PCDHA10: variants seen among roughly 807,000 people sequenced by gnomAD.
PCDHA10 encodes the protein protocadherin alpha-10.
A neutral mutation model predicts 61.2 loss-of-function variants in PCDHA10; 45 were observed. That is an observed-to-expected ratio of 0.74 (90% CI 0.58 to 0.94). The LOEUF (loss-of-function observed/expected upper bound fraction) is 0.94, where lower values mean the gene tolerates loss of function less well. Among genes scored for constraint, PCDHA10 ranks in the 40% least tolerant of loss-of-function variants. The pLI is 0.00. For synonymous variants in PCDHA10, 602 were observed against 548.8 expected (o/e 1.10, Z -1.35); for missense variants, 1,278 against 1,236.2 (o/e 1.03, Z -0.51).
At chr5:140,999,666 G>A (rs185222092) in intron 3 of PCDHA10, among the ~76,000 whole-genome samples, 194 of 152,216 alleles carry the variant, frequency 1.3e-3, no homozygotes, top group African/African-American at 4.4e-3. Flanking sequence ...GCTGGGTTGC[G>A]GGGGGCTCAC....
intron 1 of PCDHA10, chr5:140,877,539 C>G (rs1562735979): frequency 2.5e-6 from 4 of 1,613,788 alleles, no homozygotes; most frequent in South Asian, 1.1e-5. Flanking sequence ...CTGTGGATCC[C>G]GAAGCGGCTC....
chr5:140,856,396 C>G lies in PCDHA10; in HGVS notation c.348C>G (p.Phe116Leu). The G allele has an allele frequency of 6.3e-7, 1 of 1,598,526 alleles. No individual in the cohort carries two copies. ...TCGTGGACAGGCCGCTGCAGGTTTT[C>G]CATGTGGACGTGGAAGTGAAGGACA... Reference protein sequence around the residue: ...EVIVDRPLQVFHVDVEVKDIN... With the variant: ...EVIVDRPLQVLHVDVEVKDIN... Residue 116 changes from phenylalanine to leucine, a missense_variant, in exon 1 of 4, where the codon TTC (phenylalanine) becomes TTG (leucine). Phe to Leu is a conservative substitution (Grantham distance 22, BLOSUM62 0). Transcript: ENST00000307360.
In PCDHA10 at chr5:140,958,013, G is replaced by A. The variant is rs553596138; in HGVS notation, c.2389-20936G>A. 2.6e-5 allele frequency among the ~76,000 whole-genome samples: 4 copies of A among 152,110 alleles called. No individual in the cohort carries two copies. In the South Asian group the frequency reaches 8.3e-4, roughly 32 times the overall value. On this transcript the variant is annotated intron_variant, in intron 1 of 3. Coordinates refer to ENST00000307360, the MANE Select transcript of PCDHA10 (RefSeq NM_018901.4). ...CAGATTTTTTGTTTCAATTCTATCA[G>A]CCAAGTATACTATGCTTTCTTTGCT...
intron 3 of PCDHA10, among the ~76,000 whole-genome samples, chr5:141,000,415 A>ATTT (rs1563651650): frequency 1.1e-5 from 1 of 87,398 alleles, no homozygotes; most frequent in South Asian, 4.0e-4. Flanking sequence ...ATATATATAT[A>ATTT]TATATATTTT....
At position 140,895,904 on chromosome 5, in the gene PCDHA10, C is replaced by A. The variant is rs956599707; in HGVS notation, c.2388+37468C>A. Among the ~76,000 whole-genome samples, 7 of 152,138 alleles carry A rather than the reference C, an allele frequency of 4.6e-5. No homozygotes were observed. In the South Asian group the frequency reaches 1.5e-3, roughly 32 times the overall value. On this transcript the variant is annotated intron_variant, in intron 1 of 3. Transcript: ENST00000307360. ...TCGGCTCACTGCAACCTCCGCGTCC[C>A]GGGCTCAACAATTATCCTGCCTCAG...
intron 1 of PCDHA10, chr5:140,927,385 C>G: frequency 6.2e-7 from 1 of 1,614,098 alleles, no homozygotes; most frequent in East Asian, 2.2e-5. Flanking sequence ...CAGCCTAAGC[C>G]CCAGTCAGCA....
intron 1 of PCDHA10, among the ~76,000 whole-genome samples, chr5:140,878,696 A>G (rs570754583): frequency 6.6e-6 from 1 of 152,360 alleles, no homozygotes; most frequent in East Asian, 1.9e-4. Context: ...TACATACCCC[A>G]GCCTGGTAGT....
chr5:140,867,681 A>G (rs759356211), intron 1 of PCDHA10: 2 of 152,096 alleles, frequency 1.3e-5, no homozygotes, highest in African/African-American at 2.4e-5. Flanking sequence ...ATTTTGTTGC[A>G]TCTTCTTTTT....
chr5:140,905,327 T>G (rs1446614190), intron 1 of PCDHA10, among the ~76,000 whole-genome samples: 1 of 152,202 alleles, frequency 6.6e-6, no homozygotes, highest in Non-Finnish European at 1.5e-5. Flanking sequence ...TATGCTTTGT[T>G]GAAGATCAGT....
intron 1 of PCDHA10, chr5:140,928,931 A>G: frequency 1.9e-6 from 3 of 1,614,150 alleles, no homozygotes; most frequent in Non-Finnish European, 2.5e-6. Flanking sequence ...CTTTCTGCCC[A>G]GAACTTGTAT....
intron 1 of PCDHA10, among the ~76,000 whole-genome samples, chr5:140,921,904 T>A (rs1554200513): frequency 1.3e-5 from 2 of 151,968 alleles, no homozygotes; most frequent in African/African-American, 4.8e-5. Flanking sequence ...GATAAATATA[T>A]ATTACATGAT....
intron 1 of PCDHA10, chr5:140,860,038 C>T (rs1333374793): frequency 6.6e-6 from 1 of 151,844 alleles, no homozygotes; most frequent in African/African-American, 2.4e-5. Context: ...CCTGTAATCC[C>T]AGCATTTTGA....
At chr5:140,862,599 G>A (rs2047441695) in intron 1 of PCDHA10, 1 of 513,082 alleles carries the variant, frequency 1.9e-6, no homozygotes, top group East Asian at 5.2e-5. Context: ...AGTACATGGT[G>A]TTCGTGAAAG....
chr5:140,884,403 T>C, intron 1 of PCDHA10: 1 of 1,613,992 alleles, frequency 6.2e-7, no homozygotes, highest in African/African-American at 1.3e-5. Context: ...AGCCTGTTGG[T>C]GCTCACGTTG....
chr5:140,986,413 C>G (rs2097199513), intron 3 of PCDHA10, among the ~76,000 whole-genome samples: 1 of 152,156 alleles, frequency 6.6e-6, no homozygotes, highest in African/African-American at 2.4e-5. Context: ...TGTTACAGCT[C>G]TTTTTAACTT....
chr5:140,860,192 C>CATATATATATATATATATATATAT (rs143984774), intron 1 of PCDHA10: 72 of 146,840 alleles, frequency 4.9e-4, no homozygotes, highest in Middle Eastern at 3.6e-3. Context: ...GCTCTCCTTA[C>CATATATATATATATATATATATAT]ATATATATCT....
intron 1 of PCDHA10, among the ~76,000 whole-genome samples, chr5:140,921,577 A>G (rs1248608945): frequency 6.6e-6 from 1 of 152,242 alleles, no homozygotes; most frequent in African/African-American, 2.4e-5. Context: ...AGTAGAGCTC[A>G]TACTATATTA....
rs141944056 is a variant in PCDHA10, at chr5:140,857,401, G to A, written c.1353G>A (p.Ala451=). ...SVEVADVNDN[A]PAFAQSEYTV... ...AGGTGGCCGACGTGAACGACAACGCGCCTGCGTTCGCGCAGTCCGAGTACA... is the reference window on the plus strand; with the variant it reads ...AGGTGGCCGACGTGAACGACAACGCACCTGCGTTCGCGCAGTCCGAGTACA... The change falls in exon 1 of 4, where the codon GCG becomes GCA. Residue 451 remains alanine (A), a synonymous_variant. Transcript: ENST00000307360. The A allele has an allele frequency of 3.2e-3, 5,155 of 1,598,156 alleles. 411 individuals are homozygous for A. The African/African-American group carries it at 0.057, about 18-fold the overall frequency.
chr5:140,883,686 A>G (rs1380292802), intron 1 of PCDHA10: 1 of 1,613,664 alleles, frequency 6.2e-7, no homozygotes, highest in East Asian at 2.2e-5. Flanking sequence ...CCGGGCTGCC[A>G]CATCTTCACG....
Sources: gnomAD v4.1 joint callset for allele counts (sites outside exome capture counted in the v4.1 genomes callset) on GRCh38, gnomAD v4.1.1 for gene constraint, MANE v1.5 for transcripts, NCBI Gene and HGNC (gene_info 2026-07-23, HGNC 2026-07-21) for gene names.